Variants in CACNA1E observed in about 807,000 individuals in gnomAD.
CACNA1E encodes voltage-dependent R-type calcium channel subunit alpha-1E.
In CACNA1E, 40 loss-of-function variants were observed where a neutral mutation model predicts 259.2. The ratio of observed to expected loss-of-function variants is 0.15; its 90% confidence interval spans 0.12 to 0.20. CACNA1E has a LOEUF of 0.20. CACNA1E is among the 10% of genes least tolerant of loss of function. The pLI is 1.00. For synonymous variants in CACNA1E, 1,104 were observed against 1,138.5 expected (o/e 0.97, Z 0.61); for missense variants, 1,874 against 3,040.1 (o/e 0.62, Z 9.02).
intron 7 of CACNA1E, among the ~76,000 whole-genome samples, chr1:181,685,015 T>C (rs1268084313): frequency 6.6e-6 from 1 of 151,936 alleles, no homozygotes; most frequent in Non-Finnish European, 1.5e-5. Context: ...ACTGAGTTAC[T>C]CTTGAGATTC....
intron 6 of CACNA1E, among the ~76,000 whole-genome samples, chr1:181,583,103 T>TACACACACACACACAAACACACACACAC (rs1651705348): frequency 6.9e-6 from 1 of 144,988 alleles, no homozygotes; most frequent in African/African-American, 2.6e-5. Flanking sequence ...GGACTGTTCC[T>TACACACACACACACAAACACACACACAC]ACACACACAC....
intron 3 of CACNA1E, among the ~76,000 whole-genome samples, chr1:181,563,139 A>G (rs138480683): frequency 9.9e-5 from 15 of 152,210 alleles, no homozygotes; most frequent in African/African-American, 3.4e-4. Flanking sequence ...ATAAAACTTT[A>G]TGATTGCCTC....
At position 181,435,366 on chromosome 1, in the gene CACNA1E, G is replaced by T. The variant is rs188019538; in HGVS notation, c.434+21786G>T. Among the ~76,000 whole-genome samples, 812 of 152,214 alleles carry T rather than the reference G, an allele frequency of 5.3e-3. 5 individuals are homozygous for T. Among genetic ancestry groups the T allele is most frequent in the Middle Eastern group, 0.024 (7 of 294 alleles). On this transcript the variant is annotated intron_variant, in intron 2 of 11. Coordinates refer to the CACNA1E transcript ENST00000524607. Reference sequence around the variant, plus strand: ...AATTACTACAGAAAATTATCTAATTGCTCCCCCTACTGAAAATGTTCATCA... The same window carrying T: ...AATTACTACAGAAAATTATCTAATTTCTCCCCCTACTGAAAATGTTCATCA...
chr1:181,479,877 C>T (rs909694383), upstream of CACNA1E, among the ~76,000 whole-genome samples: 2 of 152,228 alleles, frequency 1.3e-5, no homozygotes, highest in Non-Finnish European at 2.9e-5. Context: ...GCTGCTTTGT[C>T]TGTCAAGGGT....
chr1:181,700,327 G>A (rs886948757), intron 7 of CACNA1E, among the ~76,000 whole-genome samples: 3 of 152,146 alleles, frequency 2.0e-5, no homozygotes, highest in Non-Finnish European at 4.4e-5. Context: ...GTTGTTTTAG[G>A]TCAAGGCACA....
chr1:181,666,358 C>CA lies in CACNA1E; in HGVS notation c.1055+14922dup, dbSNP rs547246176. On this transcript the variant is annotated intron_variant, in intron 7 of 47. Coordinates refer to ENST00000367573, the MANE Select transcript of CACNA1E (RefSeq NM_001205293.3). ...GTTAGGAATACAGCAGGGAACAAAACAAAAATCCCTGCCCTCATAAAAGTT... is the reference window on the plus strand; with the variant it reads ...GTTAGGAATACAGCAGGGAACAAAACAAAAAATCCCTGCCCTCATAAAAGTT... Among the ~76,000 whole-genome samples, 145 of 152,176 alleles carry CA rather than the reference C, an allele frequency of 9.5e-4. 1 individual carries two copies. The highest frequency in any genetic ancestry group is 3.4e-3 in the African/African-American group (143 of 41,566).
At chr1:181,605,997 TTC>T (rs1186092781) in intron 6 of CACNA1E, among the ~76,000 whole-genome samples, 12 of 152,238 alleles carry the variant, frequency 7.9e-5, no homozygotes, top group Non-Finnish European at 1.5e-4. Flanking sequence ...CACGGTTGCT[TTC>T]TCTCTCTTTA....
At chr1:181,740,755 T>G (rs1210016146) in intron 25 of CACNA1E, among the ~76,000 whole-genome samples, 1 of 152,214 alleles carries the variant, frequency 6.6e-6, no homozygotes, top group Non-Finnish European at 1.5e-5. Flanking sequence ...TTAATTCCAT[T>G]GTGTGCAGTC....
intron 7 of CACNA1E, among the ~76,000 whole-genome samples, chr1:181,710,041 CCTCTT>C (rs1230153032): frequency 2.0e-5 from 3 of 152,076 alleles, no homozygotes; most frequent in African/African-American, 4.8e-5. Flanking sequence ...AGCCCTTAGT[CCTCTT>C]CTCTTCTCTT....
At chr1:181,364,356 A>G (rs1366333810) in intron 1 of CACNA1E, among the ~76,000 whole-genome samples, 1 of 152,186 alleles carries the variant, frequency 6.6e-6, no homozygotes, top group African/African-American at 2.4e-5. Flanking sequence ...TGTCCTTAGA[A>G]TGTGAGCTCT....
intron 1 of CACNA1E, among the ~76,000 whole-genome samples, chr1:181,380,541 T>C (rs1314912610): frequency 2.0e-5 from 3 of 152,196 alleles, no homozygotes; most frequent in African/African-American, 7.2e-5. Flanking sequence ...GTTTGTTTGC[T>C]GAAACAAAAT....
intron 1 of CACNA1E, among the ~76,000 whole-genome samples, chr1:181,337,996 C>G (rs1458722523): frequency 6.6e-6 from 1 of 152,186 alleles, no homozygotes; most frequent in Non-Finnish European, 1.5e-5. Context: ...CAAGACATTC[C>G]TTTTCTCTAC....
chr1:181,746,036 A>G (rs1657051180), intron 25 of CACNA1E, among the ~76,000 whole-genome samples: 2 of 152,354 alleles, frequency 1.3e-5, no homozygotes, highest in African/African-American at 2.4e-5. Context: ...ACCACTTAGC[A>G]TAGAGCTAGT....
At position 181,717,169 on chromosome 1, in the gene CACNA1E, T is replaced by C; in HGVS notation, c.1392T>C (p.Leu464=). ...GVSYFRHKER[L]LRISIRHMVK... is the part of the protein sequence containing the mutation. ...CTTATTTCCGGCACAAGGAAAGGCT[T>C]CTGCGCATCTCCATTCGCCACATGG... The change falls in exon 11 of 48, where the codon CTT becomes CTC. Residue 464 remains leucine, a synonymous_variant. Coordinates refer to ENST00000367573, the MANE Select transcript of CACNA1E (RefSeq NM_001205293.3). 6.2e-7 allele frequency: 1 copy of C among 1,614,030 alleles called. No individual in the cohort carries two copies. The highest frequency in any genetic ancestry group is 8.5e-7 in the Non-Finnish European group (1 of 1,179,886).
At chr1:181,574,110 A>T (rs915347567) in intron 3 of CACNA1E, among the ~76,000 whole-genome samples, 7 of 152,162 alleles carry the variant, frequency 4.6e-5, no homozygotes, top group African/African-American at 1.7e-4. Flanking sequence ...GGAACAACAC[A>T]CACTGGGGCC....
intron 3 of CACNA1E, among the ~76,000 whole-genome samples, chr1:181,531,188 T>C (rs625226): frequency 0.17 from 25,269 of 152,214 alleles, 2,256 homozygotes; most frequent in African/African-American, 0.22. Context: ...TTTGGATAAA[T>C]TGCTCCAGAA....
intron 3 of CACNA1E, among the ~76,000 whole-genome samples, chr1:181,542,234 T>A (rs897303644): frequency 2.0e-5 from 3 of 151,178 alleles, no homozygotes; most frequent in Non-Finnish European, 4.4e-5. Flanking sequence ...GAGCAAAAGA[T>A]CCCCACAAAA....
At chr1:181,479,027 T>A (rs1447447768), upstream of CACNA1E, among the ~76,000 whole-genome samples, 1 of 152,232 alleles carries the variant, frequency 6.6e-6, no homozygotes, top group Non-Finnish European at 1.5e-5. Context: ...ATGGGCTTTA[T>A]AAAGTAGGAA....
intron 1 of CACNA1E, among the ~76,000 whole-genome samples, chr1:181,509,273 A>G (rs892454600): frequency 1.3e-5 from 2 of 152,022 alleles, no homozygotes; most frequent in South Asian, 2.1e-4. Context: ...CTAACTTAAC[A>G]TTGTGTTATT....
Sources: gnomAD v4.1 joint callset for allele counts (sites outside exome capture counted in the v4.1 genomes callset) on GRCh38, gnomAD v4.1.1 for gene constraint, MANE v1.5 for transcripts, NCBI Gene and HGNC (gene_info 2026-07-23, HGNC 2026-07-21) for gene names.